Variants in AKAP9 observed in about 807,000 individuals in gnomAD.
AKAP9 encodes A-kinase anchoring protein 9, also known as A-kinase anchor protein 9.
In AKAP9, 311 loss-of-function variants were observed where a neutral mutation model predicts 488.5. The ratio of observed to expected loss-of-function variants is 0.64; its 90% confidence interval spans 0.58 to 0.70. The LOEUF (loss-of-function observed/expected upper bound fraction) is 0.70. Among genes scored for constraint, AKAP9 ranks in the 30% least tolerant of loss-of-function variants. AKAP9 has a pLI of 0.00. For synonymous variants in AKAP9, 1,462 were observed against 1,483.5 expected, an observed-to-expected ratio of 0.99 and a Z score of 0.33; for missense variants, 4,215 against 4,374.5, an observed-to-expected ratio of 0.96 and a Z score of 1.03.
chr7:92,007,832 A>G (rs141429733), intron 8 of AKAP9, among the ~76,000 whole-genome samples: 60 of 152,362 alleles, frequency 3.9e-4, no homozygotes, highest in African/African-American at 1.3e-3. Context: ...ACAGTCAAGA[A>G]TATTTTTGAA....
chr7:92,002,632 A>G lies in AKAP9; in HGVS notation c.2715A>G (p.Ile905Met), dbSNP rs756897268. 1.9e-6 allele frequency: 3 copies of G among 1,612,770 alleles called. No individual in the cohort carries two copies. Among genetic ancestry groups the G allele is most frequent in the Non-Finnish European group, 2.5e-6 (3 of 1,179,360 alleles). ...ALNEELHLQR[I>M]NPTTVKMKSS... ...ATGAAGAGCTTCATTTGCAAAGAAT[A>G]AATCCAACTACAGTGAAAATGAAAA... The change falls in exon 8 of 50, where the codon ATA becomes ATG. Residue 905 changes from isoleucine to methionine, a missense_variant. Physicochemically the swap from Ile to Met is conservative, Grantham distance 10. Coordinates refer to ENST00000356239, the MANE Select transcript of AKAP9 (RefSeq NM_005751.5).
In AKAP9 at chr7:92,001,591, T is replaced by C. The variant is rs1445921864; in HGVS notation, c.1674T>C (p.Leu558=). ...RQTIAEQESK[L]NEAHKSLSTV... ...CAATAGCTGAACAAGAAAGTAAACTTAATGAAGCACATAAGTCCCTTAGTA... is the reference window on the plus strand; with the variant it reads ...CAATAGCTGAACAAGAAAGTAAACTCAATGAAGCACATAAGTCCCTTAGTA... The change falls in exon 8 of 50, where the codon CTT becomes CTC. Residue 558 remains leucine, a synonymous_variant. Coordinates refer to ENST00000356239, the MANE Select transcript of AKAP9 (RefSeq NM_005751.5). The C allele has an allele frequency of 6.2e-7, 1 of 1,613,780 alleles. No homozygotes were observed. The highest frequency in any genetic ancestry group is 1.7e-5 in the Admixed American group (1 of 59,992).
chr7:92,014,225 T>G lies in AKAP9; in HGVS notation c.3533-24T>G, dbSNP rs1453810200. The G allele has an allele frequency of 5.8e-6, 9 of 1,541,488 alleles. No homozygotes were observed. The South Asian group carries it at 1.0e-4, about 17-fold the overall frequency. On this transcript the variant is annotated intron_variant, in intron 9 of 49. Coordinates refer to ENST00000356239, the MANE Select transcript of AKAP9 (RefSeq NM_005751.5). ...TTCTTAAGTATGTAAATTGAATTTC[T>G]TAATCCATTATCTGTTCTATTAGGT...
At chr7:92,018,300 A>T (rs577672607) in intron 12 of AKAP9, among the ~76,000 whole-genome samples, 7 of 151,858 alleles carry the variant, frequency 4.6e-5, no homozygotes, top group African/African-American at 1.4e-4. Context: ...TGGGAGGATC[A>T]CTTGAACCTA....
intron 24 of AKAP9, among the ~76,000 whole-genome samples, chr7:92,062,752 A>G (rs2130825186): frequency 6.6e-6 from 1 of 152,294 alleles, no homozygotes; most frequent in East Asian, 1.9e-4. Flanking sequence ...TTCAAGAGAA[A>G]GCTGCAAATA....
At chr7:91,956,614 TTTC>T (rs1793052342) in intron 1 of AKAP9, among the ~76,000 whole-genome samples, 1 of 152,140 alleles carries the variant, frequency 6.6e-6, no homozygotes, top group Non-Finnish European at 1.5e-5. Context: ...TCAGCGCTTT[TTTC>T]TTCATTACTT....
Position 92,012,536 on chromosome 7 carries a change from T to C in AKAP9, c.3426T>C (p.Ala1142=), listed in dbSNP as rs758236336. The C allele has an allele frequency of 4.3e-6, 7 of 1,613,906 alleles. No homozygotes were observed. Among genetic ancestry groups the C allele is most frequent in the Non-Finnish European group, 5.1e-6 (6 of 1,179,890 alleles). ...REYMENEKDK[A]LCSLKEELIF... ...ATATGGAAAATGAAAAAGATAAAGCTCTTTGCAGTCTTAAAGAAGAGCTTA... is the reference window on the plus strand; with the variant it reads ...ATATGGAAAATGAAAAAGATAAAGCCCTTTGCAGTCTTAAAGAAGAGCTTA... Residue 1142 remains alanine, a synonymous_variant, in exon 9 of 50, where the codon GCT becomes GCC. Coordinates refer to ENST00000356239, the MANE Select transcript of AKAP9 (RefSeq NM_005751.5).
At chr7:91,992,341 AAAAC>A in intron 4 of AKAP9, 130 bp downstream of exon 4, 1 of 788,496 alleles carries the variant, frequency 1.3e-6, no homozygotes, top group Non-Finnish European at 2.2e-6. Flanking sequence ...AATGTTTACT[AAAAC>A]AAAGTTATCT....
chr7:92,077,290 A>C (rs1812771239), intron 29 of AKAP9, among the ~76,000 whole-genome samples: 2 of 151,454 alleles, frequency 1.3e-5, no homozygotes, highest in African/African-American at 2.4e-5. Context: ...ATGGGGTTTC[A>C]CCGTGTTAGC....
At chr7:92,105,828 A>G (rs1476070310) in intron 47 of AKAP9, 65 bp downstream of exon 47, 1 of 1,387,012 alleles carries the variant, frequency 7.2e-7, no homozygotes, top group African/African-American at 1.4e-5. Context: ...CCCCACCCCC[A>G]GACTATGGAC....
chr7:92,016,324 G>A, intron 11 of AKAP9, 57 bp downstream of exon 11: 1 of 1,253,456 alleles, frequency 8.0e-7, no homozygotes, highest in South Asian at 1.5e-5. Flanking sequence ...ATTAATTGAT[G>A]ACAGATTTTT....
intron 6 of AKAP9, 77 bp downstream of exon 6, chr7:91,994,853 T>G: frequency 7.1e-7 from 1 of 1,406,576 alleles, no homozygotes. Context: ...AGAACAAATC[T>G]AAATTTGTTA....
chr7:91,941,313 T>C (rs1790728447), intron 1 of AKAP9, among the ~76,000 whole-genome samples, 166 bp downstream of exon 1: 1 of 152,192 alleles, frequency 6.6e-6, no homozygotes, highest in Admixed American at 6.5e-5. Context: ...TCCTTTCCCC[T>C]TTTTCCAGTT....
Position 92,001,437 on chromosome 7 carries a change from C to A in AKAP9, c.1520C>A (p.Ser507Tyr). 1 of 1,613,704 alleles carries A rather than the reference C, an allele frequency of 6.2e-7. No homozygotes were observed. The highest frequency in any genetic ancestry group is 8.5e-7 in the Non-Finnish European group (1 of 1,179,802). ...ELNIKLQDTN[S>Y]QKEKLKEELG... Reference sequence around the variant, plus strand: ...AATATAAAATTGCAAGATACTAACTCTCAAAAGGAAAAACTCAAGGAAGAA... The same window carrying A: ...AATATAAAATTGCAAGATACTAACTATCAAAAGGAAAAACTCAAGGAAGAA... Residue 507 changes from serine (S) to tyrosine (Y), a missense_variant, in exon 8 of 50, where the codon TCT (serine) becomes TAT (tyrosine). Ser to Tyr is a moderately radical substitution (Grantham distance 144). This residue lies in a region of AKAP9 where 2,361 missense variants were observed against 2,430.0 expected (regional missense o/e 0.97). Transcript: ENST00000356239.
chr7:92,052,982 T>C lies in AKAP9; in HGVS notation c.5601+24T>C, dbSNP rs201843283. 3.2e-3 allele frequency: 4,979 copies of C among 1,561,880 alleles called. 30 individuals carry two copies. The highest frequency in any genetic ancestry group is 0.012 in the South Asian group (1,044 of 89,834). On this transcript the variant is annotated intron_variant, in intron 22 of 49. Transcript: ENST00000356239. ...AGGTAACCTCCTTATATTGCTAATA[T>C]GTACTGAGTTTGAAGTACAATATAC...
rs775185853 is a variant in AKAP9, at chr7:92,070,237, A to C, written c.6507+31A>C. 3.7e-6 allele frequency: 6 copies of C among 1,610,096 alleles called. No homozygotes were observed. The South Asian group carries it at 6.6e-5, about 18-fold the overall frequency. Reference sequence around the variant, plus strand: ...GCATTTTATTTGGGCTAACTTAATAAGTGTTTTAATGAAGAATACTCTTAA... The same window carrying C: ...GCATTTTATTTGGGCTAACTTAATACGTGTTTTAATGAAGAATACTCTTAA... On this transcript the variant is annotated intron_variant, in intron 27 of 49. Coordinates refer to ENST00000356239, the MANE Select transcript of AKAP9 (RefSeq NM_005751.5).
intron 41 of AKAP9, 94 bp from the exon 42 acceptor site, chr7:92,097,492 T>C: frequency 6.7e-7 from 1 of 1,502,084 alleles, no homozygotes; most frequent in Non-Finnish European, 9.1e-7. Context: ...TAGAAGTTTA[T>C]TGGATATAAA....
rs1322331074 is a variant in AKAP9 at position 92,083,321 on chromosome 7, C to CTATAAAA, written c.8313_8319dup (p.Leu2774TyrfsTer5). 6.2e-7 allele frequency: 1 copy of CTATAAAA among 1,614,088 alleles called. No individual in the cohort carries two copies. Among genetic ancestry groups the CTATAAAA allele is most frequent in the Non-Finnish European group, 8.5e-7 (1 of 1,180,012 alleles). On this transcript the variant is annotated frameshift_variant, in exon 33 of 50. Coordinates refer to ENST00000356239, the MANE Select transcript of AKAP9 (RefSeq NM_005751.5). LOFTEE classifies it high-confidence loss of function. ...AAGGCCTGCATGTTTGAGCCACTTCCTATAAAACTGAGTAAGAGCATTGCA... is the reference window on the plus strand; with the variant it reads ...AAGGCCTGCATGTTTGAGCCACTTCCTATAAAATATAAAACTGAGTAAGAGCATTGCA...
chr7:91,965,803 G>T (rs2188153), intron 1 of AKAP9, among the ~76,000 whole-genome samples: 62,899 of 151,918 alleles, frequency 0.41, 13,466 homozygotes, highest in African/African-American at 0.51. Context: ...CATTGTTTCA[G>T]ATACTTGTTG....
Sources: gnomAD v4.1 joint callset for allele counts (sites outside exome capture counted in the v4.1 genomes callset) on GRCh38, gnomAD v4.1.1 for gene constraint, gnomAD v4.1.1 regional missense constraint, MANE v1.5 for transcripts, NCBI Gene and HGNC (gene_info 2026-07-23, HGNC 2026-07-21) for gene names.